CDK19: variants seen among roughly 807,000 people sequenced by gnomAD.
CDK19 encodes cyclin-dependent kinase 19.
In CDK19, 20 loss-of-function variants were observed where a neutral mutation model predicts 68.3. The ratio of observed to expected loss-of-function variants is 0.29; its 90% CI spans 0.21 to 0.43. The LOEUF (loss-of-function observed/expected upper bound fraction) is 0.43. Ranked by LOEUF, CDK19 falls within the 20% of genes least tolerant of loss-of-function variation. The pLI is 1.00. For missense variants in CDK19, 339 were observed against 623.5 expected (o/e 0.54, Z 4.86); for synonymous variants, 221 against 222.8 (o/e 0.99, Z 0.07).
chr6:110,622,616 G>T lies in CDK19; in HGVS notation c.1031+199C>A, dbSNP rs745580656. 3.9e-5 allele frequency among the ~76,000 whole-genome samples: 6 copies of T among 152,288 alleles called. No homozygotes were observed. In the East Asian group the frequency reaches 1.2e-3, roughly 29 times the overall value. ...TCATCTGTAAAACTGACAAATGGTC[G>T]TTCCTAAAATACTTGTTTTCATTCA... On this transcript the variant is annotated intron_variant, in intron 10 of 12. Coordinates refer to ENST00000368911, the MANE Select transcript of CDK19 (RefSeq NM_015076.5).
chr6:110,732,681 C>T (rs1476244617), intron 2 of CDK19, among the ~76,000 whole-genome samples: 1 of 152,104 alleles, frequency 6.6e-6, no homozygotes, highest in East Asian at 1.9e-4. Context: ...TTTATTGTGG[C>T]ACAATTTACA....
At chr6:110,693,081 G>T (rs572480484) in intron 2 of CDK19, among the ~76,000 whole-genome samples, 1 of 152,100 alleles carries the variant, frequency 6.6e-6, no homozygotes, top group Non-Finnish European at 1.5e-5. Context: ...GAGCAAAAGC[G>T]TTAAAATCTG....
chr6:110,781,978 T>C (rs975816538), intron 1 of CDK19, among the ~76,000 whole-genome samples: 1 of 152,130 alleles, frequency 6.6e-6, no homozygotes, highest in African/African-American at 2.4e-5. Flanking sequence ...GATTCCAAGA[T>C]AAACTTTGTG....
intron 4 of CDK19, chr6:110,646,426 G>A (rs910536084): frequency 3.9e-5 from 58 of 1,497,772 alleles, no homozygotes; most frequent in Non-Finnish European, 4.8e-5. Context: ...TGGCCTTCCC[G>A]CGCCGCAGCT....
intron 2 of CDK19, among the ~76,000 whole-genome samples, chr6:110,742,916 T>G (rs1206995961): frequency 6.6e-6 from 1 of 152,162 alleles, no homozygotes; most frequent in East Asian, 1.9e-4. Context: ...GTGATCTTTG[T>G]GACCTACTCC....
intron 5 of CDK19, among the ~76,000 whole-genome samples, chr6:110,635,190 G>A (rs1562142383): frequency 6.6e-6 from 1 of 152,164 alleles, no homozygotes; most frequent in Admixed American, 6.5e-5. Flanking sequence ...ACAGGAAGGT[G>A]AGATGACAAA....
At chr6:110,674,798 AG>A (rs1226141437) in intron 2 of CDK19, among the ~76,000 whole-genome samples, 1 of 151,782 alleles carries the variant, frequency 6.6e-6, no homozygotes, top group Non-Finnish European at 1.5e-5. Flanking sequence ...GCTACTCGAG[AG>A]GCTGAGGCAG....
chr6:110,806,113 G>T (rs1009246082), intron 1 of CDK19, among the ~76,000 whole-genome samples: 1 of 151,942 alleles, frequency 6.6e-6, no homozygotes, highest in African/African-American at 2.4e-5. Context: ...GCCGAGGTGG[G>T]CAGATCACCT....
At chr6:110,635,257 A>T (rs1252324355) in intron 5 of CDK19, among the ~76,000 whole-genome samples, 2 of 152,198 alleles carry the variant, frequency 1.3e-5, no homozygotes, top group African/African-American at 4.8e-5. Context: ...GGAAGTTGTT[A>T]CCGGTTTCTA....
intron 2 of CDK19, among the ~76,000 whole-genome samples, chr6:110,682,047 C>T (rs1236313086): frequency 2.0e-5 from 3 of 152,180 alleles, no homozygotes; most frequent in African/African-American, 7.2e-5. Context: ...TTTATGTATA[C>T]ATCTTTCTTC....
intron 1 of CDK19, among the ~76,000 whole-genome samples, chr6:110,749,963 G>C (rs1778362695): frequency 7.0e-6 from 1 of 143,614 alleles, no homozygotes; most frequent in African/African-American, 2.5e-5. Flanking sequence ...GTAGAGATGG[G>C]GTTTCACCAT....
intron 2 of CDK19, among the ~76,000 whole-genome samples, chr6:110,716,746 T>C (rs956944117): frequency 7.2e-5 from 11 of 152,312 alleles, no homozygotes; most frequent in Admixed American, 6.5e-4. Flanking sequence ...TACGTGTATC[T>C]CTACTCTCTA....
intron 1 of CDK19, among the ~76,000 whole-genome samples, chr6:110,799,001 AGGCGTGGT>A (rs1171328829): frequency 1.3e-5 from 2 of 151,700 alleles, no homozygotes; most frequent in Non-Finnish European, 2.9e-5. Context: ...AAAATCAACC[AGGCGTGGT>A]AGTGGGTGCC....
At chr6:110,725,976 T>C (rs915258355) in intron 2 of CDK19, among the ~76,000 whole-genome samples, 14 of 151,342 alleles carry the variant, frequency 9.3e-5, no homozygotes, top group African/African-American at 3.2e-4. Flanking sequence ...AAAGCATTTC[T>C]TTTTTTTTCA....
At chr6:110,814,269 G>A in intron 1 of CDK19, 1 of 305,044 alleles carries the variant, frequency 3.3e-6, no homozygotes, top group Non-Finnish European at 6.3e-6. Context: ...GGGGCTGCAA[G>A]GTAAAGGGTG....
intron 2 of CDK19, among the ~76,000 whole-genome samples, chr6:110,737,066 C>T (rs566602004): frequency 1.3e-5 from 2 of 152,294 alleles, no homozygotes; most frequent in South Asian, 4.2e-4. Flanking sequence ...TCATAAGCCA[C>T]CAATTCTTCA....
rs66578190 is a variant in CDK19, at chr6:110,785,074, C to CAA, written c.128+29933_128+29934dup. Among the ~76,000 whole-genome samples, 113 of 64,762 alleles carry CAA rather than the reference C, an allele frequency of 1.7e-3. 2 individuals carry two copies. The highest frequency in any genetic ancestry group is 5.7e-3 in the East Asian group (14 of 2,454). The allele number at this position is 64,762 out of a possible 152,430, so 42.5% of individuals were successfully genotyped here. On this transcript the variant is annotated intron_variant, in intron 1 of 12. Transcript: ENST00000368911. ...CATATGCTAAAAACCACTGAATTGTCAAAAAAAAAAAAAAAAAAAAGCCCC... is the reference window on the plus strand; with the variant it reads ...CATATGCTAAAAACCACTGAATTGTCAAAAAAAAAAAAAAAAAAAAAAGCCCC...
chr6:110,689,502 T>A (rs2114568853), intron 2 of CDK19, among the ~76,000 whole-genome samples: 1 of 152,282 alleles, frequency 6.6e-6, no homozygotes, highest in South Asian at 2.1e-4. Context: ...ACACAGTCCA[T>A]TAAAGCATCT....
Position 110,815,096 on chromosome 6 carries a change from TC to T in CDK19, c.40del (p.Glu14SerfsTer38). On this transcript the variant is annotated frameshift_variant, in exon 1 of 13. Coordinates refer to ENST00000368911, the MANE Select transcript of CDK19 (RefSeq NM_015076.5). LOFTEE classifies it high-confidence loss of function. Reference protein sequence around the residue: ...DFKAKLAAERERVEDLFEYEG... With the variant: ...DFKAKLAAERXRVEDLFEYEG... ...GTACTCAAACAAATCCTCCACCCGC[TC>T]CCGCTCCGCCGCCAGCTTCGCCTTG... The T allele has an allele frequency of 6.2e-7, 1 of 1,602,318 alleles. No individual in the cohort carries two copies. Among genetic ancestry groups the T allele is most frequent in the Non-Finnish European group, 8.5e-7 (1 of 1,175,562 alleles).
Sources: allele counts gnomAD v4.1 joint callset (sites outside exome capture counted in the v4.1 genomes callset), GRCh38; gene constraint gnomAD v4.1.1; transcripts MANE v1.5; gene names NCBI Gene and HGNC (gene_info 2026-07-23, HGNC 2026-07-21).